CRYL1: variants seen among roughly 807,000 people sequenced by gnomAD.
CRYL1 encodes the protein crystallin lambda 1, also known as lambda-crystallin homolog.
In CRYL1, 29 loss-of-function variants were observed where a neutral mutation model predicts 36.6. The observed-to-expected ratio is 0.79, with a 90% CI of 0.59 to 1.08. The LOEUF (loss-of-function observed/expected upper bound fraction) is 1.08, where lower values mean the gene tolerates loss of function less well. CRYL1 is among the 50% of genes least tolerant of loss of function. CRYL1 has a pLI of 0.00. For missense variants in CRYL1, 411 were observed against 407.9 expected, an observed-to-expected ratio of 1.01 and a Z score of -0.06; for synonymous variants, 152 against 151.5, an observed-to-expected ratio of 1.00 and a Z score of -0.02.
In CRYL1 at chr13:20,404,803, A is replaced by G. The variant is rs142394913; in HGVS notation, c.740-62T>C. The G allele has an allele frequency of 7.9e-4, 932 of 1,181,712 alleles. 3 individuals are homozygous for G. The African/African-American group carries it at 0.011, about 14-fold the overall frequency. 73.2% of individuals were successfully genotyped at this position (1,181,712 alleles called of 1,614,324 possible). A position where few individuals can be genotyped will look rare whatever the true frequency, so the allele number is the denominator to read the frequency against. On this transcript the variant is annotated intron_variant, in intron 6 of 7. Transcript: ENST00000298248. ...AAAAAAACATTCTTAGTTATATTCA[A>G]ACTCAGAAATGCATTCAGAGAGTTT...
chr13:20,525,835 G>T lies in CRYL1; in HGVS notation c.-41C>A, dbSNP rs1353619811. On this transcript the variant is annotated 5_prime_UTR_variant, in exon 1 of 8. Transcript: ENST00000298248. This position sits in a 1 kb window ranked among gnomAD's most constrained non-coding sequence, Gnocchi z 4.3. ...GCGGCGCCGCGGGCGCTGGGACCAG[G>T]CGCCGGCGGAGCTGCGAGCTCTGGG... 3 of 1,217,872 alleles carry T rather than the reference G, an allele frequency of 2.5e-6. No individual in the cohort carries two copies. In the South Asian group the frequency reaches 1.1e-4, roughly 46 times the overall value. 75.4% of individuals were successfully genotyped at this position (1,217,872 alleles called of 1,614,324 possible).
chr13:20,495,527 T>C (rs769092229), intron 2 of CRYL1, among the ~76,000 whole-genome samples: 1 of 152,286 alleles, frequency 6.6e-6, no homozygotes. Flanking sequence ...TGGAACCTTG[T>C]GCACTGATGA....
At chr13:20,517,670 C>T (rs1463037735) in intron 1 of CRYL1, among the ~76,000 whole-genome samples, 1 of 152,106 alleles carries the variant, frequency 6.6e-6, no homozygotes, top group Non-Finnish European at 1.5e-5. Context: ...GGCGCAGTGG[C>T]TCATGCCTGT....
chr13:20,451,077 G>A (rs1177540249), intron 3 of CRYL1, among the ~76,000 whole-genome samples: 1 of 135,264 alleles, frequency 7.4e-6, no homozygotes, highest in Non-Finnish European at 1.6e-5. Flanking sequence ...GGGGGAGGGG[G>A]GAGGGATAGC....
intron 3 of CRYL1, among the ~76,000 whole-genome samples, chr13:20,457,834 G>T (rs1264633733): frequency 6.6e-6 from 1 of 152,156 alleles, no homozygotes; most frequent in Admixed American, 6.5e-5. Flanking sequence ...CTCACAAGAT[G>T]ATTGTGGCCA....
At chr13:20,459,829 C>T (rs552115425) in intron 3 of CRYL1, among the ~76,000 whole-genome samples, 1 of 152,120 alleles carries the variant, frequency 6.6e-6, no homozygotes, top group South Asian at 2.1e-4. Flanking sequence ...GCATATGTAC[C>T]CCTTGAACCT....
chr13:20,512,542 A>G lies in CRYL1; in HGVS notation c.50T>C (p.Ile17Thr), dbSNP rs199943911. The G allele has an allele frequency of 1.6e-4, 257 of 1,612,804 alleles. 2 individuals carry two copies. Among genetic ancestry groups the G allele is most frequent in the African/African-American group, 8.3e-4 (62 of 75,030 alleles). Residue 17 changes from isoleucine (I) to threonine (T), a missense_variant, in exon 2 of 8, where the codon ATT becomes ACT. Ile to Thr is a moderately conservative substitution (Grantham distance 89, BLOSUM62 -1). Coordinates refer to ENST00000298248, the MANE Select transcript of CRYL1 (RefSeq NM_015974.3). ...GCVVIVGSGVIGRSWAMLFAS... is the reference protein window; with the variant it reads ...GCVVIVGSGVTGRSWAMLFAS... ...AAACAGCATGGCCCAGCTTCGCCCA[A>G]TGACTCCACTGAAGGGAGATAAAAG...
At chr13:20,498,969 C>T (rs2033657691) in intron 2 of CRYL1, among the ~76,000 whole-genome samples, 1 of 152,158 alleles carries the variant, frequency 6.6e-6, no homozygotes, top group Non-Finnish European at 1.5e-5. Context: ...ATTCTCTGAC[C>T]TTAAACTAAC....
At chr13:20,450,888 A>G (rs7334565) in intron 3 of CRYL1, among the ~76,000 whole-genome samples, 62,149 of 151,848 alleles carry the variant, frequency 0.41, 12,897 homozygotes, top group South Asian at 0.54. Flanking sequence ...GCCATAAAAA[A>G]GGATGAGTTC....
rs1028409341 is a variant in CRYL1, at chr13:20,481,013, T to C, written c.276+8357A>G. 1.6e-4 allele frequency among the ~76,000 whole-genome samples: 25 copies of C among 152,246 alleles called. No individual in the cohort carries two copies. The highest frequency in any genetic ancestry group is 5.8e-4 in the African/African-American group (24 of 41,556). Reference sequence around the variant, plus strand: ...AAAAAGCCAAGCAAATAAATAAAAATACAGCTTCACAGAAATAAGACCTCG... The same window carrying C: ...AAAAAGCCAAGCAAATAAATAAAAACACAGCTTCACAGAAATAAGACCTCG... On this transcript the variant is annotated intron_variant, in intron 3 of 7. Transcript: ENST00000298248. This position sits in a 1 kb window ranked among gnomAD's most constrained non-coding sequence, Gnocchi z 4.1.
At chr13:20,521,592 C>G (rs778273764) in intron 1 of CRYL1, among the ~76,000 whole-genome samples, 1 of 152,114 alleles carries the variant, frequency 6.6e-6, no homozygotes, top group Non-Finnish European at 1.5e-5. Context: ...TAATTCAATG[C>G]CCTTCCCACT....
chr13:20,501,968 C>T (rs767257202), intron 2 of CRYL1, among the ~76,000 whole-genome samples: 1 of 152,170 alleles, frequency 6.6e-6, no homozygotes, highest in Non-Finnish European at 1.5e-5. Flanking sequence ...CCATGTGGCA[C>T]GGTGATAGTG....
intron 3 of CRYL1, among the ~76,000 whole-genome samples, chr13:20,440,722 CA>C (rs917571999): frequency 3.9e-5 from 6 of 152,190 alleles, no homozygotes; most frequent in Non-Finnish European, 5.9e-5. Flanking sequence ...CCATAATTCC[CA>C]AAAGGCTTCT....
chr13:20,404,750 G>A lies in CRYL1; in HGVS notation c.740-9C>T, dbSNP rs781125397. The A allele has an allele frequency of 6.4e-7, 1 of 1,552,142 alleles. No homozygotes were observed. Among genetic ancestry groups the A allele is most frequent in the East Asian group, 2.2e-5 (1 of 44,596 alleles). On this transcript the variant is annotated splice_polypyrimidine_tract_variant and intron_variant, in intron 6 of 7. Coordinates refer to ENST00000298248, the MANE Select transcript of CRYL1 (RefSeq NM_015974.3). ...GCAGTAGCTTAACATACCTGGAATT[G>A]TATGAAGACAAGAATCCACAATCTC... is the stretch of plus-strand genomic sequence containing the variant.
chr13:20,429,688 T>C (rs1229872474), intron 5 of CRYL1, among the ~76,000 whole-genome samples: 1 of 152,136 alleles, frequency 6.6e-6, no homozygotes, highest in South Asian at 2.1e-4. Context: ...TCTTATGGAA[T>C]ACAGGGCATC....
intron 3 of CRYL1, among the ~76,000 whole-genome samples, chr13:20,474,234 C>T (rs1454809907): frequency 6.6e-6 from 1 of 152,156 alleles, no homozygotes; most frequent in Non-Finnish European, 1.5e-5. Context: ...CCACTTTCAG[C>T]CATCATAGTG....
chr13:20,436,883 C>A lies in CRYL1; in HGVS notation c.438+2710G>T, dbSNP rs187336834. Among the ~76,000 whole-genome samples the A allele has an allele frequency of 1.1e-3, 162 of 151,408 alleles. 1 individual carries two copies. The highest frequency in any genetic ancestry group is 3.5e-3 in the African/African-American group (146 of 41,324). ...GGCCCCAAGCAGGGACTGGGGGCTG[C>A]AGGGTGGGCTCCTAGCTGGCCTGGG... On this transcript the variant is annotated intron_variant, in intron 4 of 7. Coordinates refer to ENST00000298248, the MANE Select transcript of CRYL1 (RefSeq NM_015974.3).
At chr13:20,470,320 A>T (rs9550652) in intron 3 of CRYL1, among the ~76,000 whole-genome samples, 1 of 151,970 alleles carries the variant, frequency 6.6e-6, no homozygotes, top group Non-Finnish European at 1.5e-5. Context: ...GTGCTTCCCC[A>T]GAATGCAGGC....
At chr13:20,507,652 C>T (rs572717033) in intron 2 of CRYL1, among the ~76,000 whole-genome samples, 4 of 152,306 alleles carry the variant, frequency 2.6e-5, no homozygotes, top group Non-Finnish European at 5.9e-5. Flanking sequence ...GGCACAGTGG[C>T]TCACACCTGT....
Sources: allele counts gnomAD v4.1 joint callset (sites outside exome capture counted in the v4.1 genomes callset), GRCh38; gene constraint gnomAD v4.1.1; non-coding constraint Gnocchi (gnomAD v3.1); transcripts MANE v1.5; gene names NCBI Gene and HGNC (gene_info 2026-07-23, HGNC 2026-07-21).